The following ATP5PO variants were observed in gnomAD, a reference collection of about 807,000 sequenced individuals.
ATP5PO encodes ATP synthase peripheral stalk subunit OSCP, mitochondrial.
ATP5PO carries 14 observed loss-of-function variants against 26.2 expected under a neutral mutation model. The ratio of observed to expected loss-of-function variants is 0.53; its 90% confidence interval spans 0.35 to 0.83. The LOEUF is 0.83. ATP5PO is among the 40% of genes least tolerant of loss of function. The pLI, the probability that ATP5PO is intolerant of heterozygous loss-of-function variation, is 0.01. For synonymous variants in ATP5PO, 106 were observed against 95.1 expected (o/e 1.12, Z -0.67); for missense variants, 241 against 258.5 (o/e 0.93, Z 0.46).
At chr21:33,908,550 A>T (rs1362309107) in intron 4 of ATP5PO, among the ~76,000 whole-genome samples, 1 of 152,182 alleles carries the variant, frequency 6.6e-6, no homozygotes, top group Non-Finnish European at 1.5e-5. Context: ...TCTACAAAAA[A>T]TACAAAAAAT....
In ATP5PO at chr21:33,909,357, A is replaced by C. The variant is rs185262686; in HGVS notation, c.199-146T>G. The C allele has an allele frequency of 3.2e-3, 2,587 of 796,926 alleles. 61 individuals carry two copies. Among genetic ancestry groups the C allele is most frequent in the East Asian group, 0.031 (1,136 of 36,586 alleles). The allele number at this position is 796,926 out of a possible 1,614,324, so 49.4% of individuals were successfully genotyped here. A position where few individuals can be genotyped will look rare whatever the true frequency, so the allele number is the denominator to read the frequency against. ...GTGCAGTGGCGCAATCTTGGCTCACACAACCTCCACATCCCGGGTTCAAGC... is the reference window on the plus strand; with the variant it reads ...GTGCAGTGGCGCAATCTTGGCTCACCCAACCTCCACATCCCGGGTTCAAGC... On this transcript the variant is annotated intron_variant, in intron 3 of 6. Transcript: ENST00000290299.
Position 33,903,923 on chromosome 21 carries a change from T to C in ATP5PO, c.528+12A>G, listed in dbSNP as rs1313275025. ...ACCCGAGAAAACGTACCATAAATAA[T>C]TTAAAACCTACCTTAGCCTCCAATT... On this transcript the variant is annotated intron_variant, in intron 6 of 6. Coordinates refer to ENST00000290299, the MANE Select transcript of ATP5PO (RefSeq NM_001697.3). 2 of 1,593,174 alleles carry C rather than the reference T, an allele frequency of 1.3e-6. No individual in the cohort carries two copies. Among genetic ancestry groups the C allele is most frequent in the African/African-American group, 1.4e-5 (1 of 73,976 alleles).
Position 33,907,456 on chromosome 21 carries a change from G to A in ATP5PO, c.329-3C>T. 2 of 1,612,172 alleles carry A rather than the reference G, an allele frequency of 1.2e-6. No individual in the cohort carries two copies. The highest frequency in any genetic ancestry group is 1.7e-6 in the Non-Finnish European group (2 of 1,178,312). On this transcript the variant is annotated splice_region_variant and splice_polypyrimidine_tract_variant and intron_variant, in intron 4 of 6. Transcript: ENST00000290299. ...TCGACCATTTTCAGCAAGCAAATCT[G>A]CCAGAGTGAAGGTGTCTCAGTAACA...
chr21:33,904,591 T>C (rs1329321377), intron 5 of ATP5PO, among the ~76,000 whole-genome samples: 1 of 152,222 alleles, frequency 6.6e-6, no homozygotes, highest in Non-Finnish European at 1.5e-5. Flanking sequence ...CAGTTGGCTT[T>C]TCCTGAAGTC....
chr21:33,906,858 G>C (rs1987179881), intron 5 of ATP5PO: 1 of 438,512 alleles, frequency 2.3e-6, no homozygotes, highest in Non-Finnish European at 4.6e-6. Flanking sequence ...GGGTGTGGTG[G>C]GGGTGCACTG....
chr21:33,913,634 T>C (rs1161491886), intron 2 of ATP5PO, among the ~76,000 whole-genome samples: 3 of 152,182 alleles, frequency 2.0e-5, no homozygotes, highest in African/African-American at 4.8e-5. Context: ...GTCAACTGGA[T>C]TACTTCTGGT....
In ATP5PO at chr21:33,915,489, G is replaced by A. The variant is rs549132818; in HGVS notation, c.36+239C>T. On this transcript the variant is annotated intron_variant, in intron 1 of 6. Transcript: ENST00000290299. The stretch of plus-strand genomic sequence containing the variant: ...GCGCCCCTCAGGCTAGCAGCTTCCA[G>A]GGGCTGTGCTCGGAAGACGCCAAGG... 7.3e-5 allele frequency: 42 copies of A among 571,864 alleles called. No individual in the cohort carries two copies. In the East Asian group the frequency reaches 1.3e-3, roughly 18 times the overall value. The allele number at this position is 571,864 out of a possible 1,614,324, so 35.4% of individuals were successfully genotyped here.
At chr21:33,912,253 G>C in intron 3 of ATP5PO, 36 bp downstream of exon 3, 1 of 1,549,036 alleles carries the variant, frequency 6.5e-7, no homozygotes, top group Non-Finnish European at 8.9e-7. Flanking sequence ...TATACAAACA[G>C]GAACTTCATA....
chr21:33,906,732 A>G (rs149915936), intron 5 of ATP5PO: 1,063 of 456,276 alleles, frequency 2.3e-3, no homozygotes, highest in Non-Finnish European at 3.5e-3. Context: ...TTACACCTTT[A>G]TTCCCAGCAC....
At chr21:33,903,822 A>C in intron 6 of ATP5PO, 113 bp downstream of exon 6, 3 of 1,134,370 alleles carry the variant, frequency 2.6e-6, no homozygotes, top group Non-Finnish European at 1.2e-6. Context: ...ACAAAATTTT[A>C]ACTACAGAAA....
rs11372099 is a variant in ATP5PO at position 33,914,163 on chromosome 21, TA to T, written c.87+286del. On this transcript the variant is annotated intron_variant, in intron 2 of 6. Coordinates refer to ENST00000290299, the MANE Select transcript of ATP5PO (RefSeq NM_001697.3). ...ACTTTGTTAAACCTGTTTCTTTCAT[TA>T]AAAAAAAAAAGTAAGTAAATGCTAG... Among the ~76,000 whole-genome samples the T allele has an allele frequency of 3.6e-3, 533 of 148,566 alleles. 2 individuals are homozygous for T. The highest frequency in any genetic ancestry group is 4.9e-3 in the Non-Finnish European group (330 of 67,070).
intron 4 of ATP5PO, 124 bp downstream of exon 4, chr21:33,908,958 G>A: frequency 8.8e-7 from 1 of 1,138,914 alleles, no homozygotes; most frequent in Non-Finnish European, 1.2e-6. Flanking sequence ...GCAGGTTGCT[G>A]TGAGGCCTGA....
At chr21:33,915,619 G>T in intron 1 of ATP5PO, 109 bp downstream of exon 1, 4 of 1,469,156 alleles carry the variant, frequency 2.7e-6, no homozygotes, top group South Asian at 1.2e-5. Context: ...TAACCTTGAA[G>T]ACTGCCAGAC....
At chr21:33,904,750 C>CT (rs997311793) in intron 5 of ATP5PO, among the ~76,000 whole-genome samples, 4 of 152,028 alleles carry the variant, frequency 2.6e-5, no homozygotes, top group African/African-American at 7.2e-5. Context: ...AACCAAAGGC[C>CT]TTTTTTTTGA....
rs746470391 is a variant in ATP5PO at position 33,903,909 on chromosome 21, C to T, written c.528+26G>A. On this transcript the variant is annotated intron_variant, in intron 6 of 6. Coordinates refer to ENST00000290299, the MANE Select transcript of ATP5PO (RefSeq NM_001697.3). ...TTAAGCTTAAAATAACCCGAGAAAA[C>T]GTACCATAAATAATTTAAAACCTAC... The T allele has an allele frequency of 1.5e-5, 24 of 1,563,562 alleles. 1 individual carries two copies. The highest frequency in any genetic ancestry group is 1.8e-5 in the Admixed American group (1 of 55,144).
At chr21:33,909,001 G>A (rs1317443737) in intron 4 of ATP5PO, 81 bp downstream of exon 4, 5 of 1,423,576 alleles carry the variant, frequency 3.5e-6, no homozygotes, top group Non-Finnish European at 4.7e-6. Flanking sequence ...CCCAGGTGAT[G>A]CTGATGCCGC....
chr21:33,908,306 C>T (rs1176022177), intron 4 of ATP5PO, among the ~76,000 whole-genome samples: 1 of 151,586 alleles, frequency 6.6e-6, no homozygotes, highest in African/African-American at 2.4e-5. Context: ...AGCTTGCAAT[C>T]TGATTTTCAT....
At chr21:33,908,134 C>T (rs932569469) in intron 4 of ATP5PO, among the ~76,000 whole-genome samples, 4 of 145,616 alleles carry the variant, frequency 2.7e-5, no homozygotes, top group Non-Finnish European at 6.0e-5. Context: ...TGCCACTGCA[C>T]TCCAGCTTGG....
chr21:33,903,675 G>A (rs368702376), intron 6 of ATP5PO, 36 bp from the exon 7 acceptor site: 11 of 1,598,470 alleles, frequency 6.9e-6, no homozygotes, highest in Middle Eastern at 3.3e-4. Flanking sequence ...GTGAAAACGC[G>A]CTAATCAAAT....
Sources: allele counts gnomAD v4.1 joint callset (sites outside exome capture counted in the v4.1 genomes callset), GRCh38; gene constraint gnomAD v4.1.1; transcripts MANE v1.5; gene names NCBI Gene and HGNC (gene_info 2026-07-23, HGNC 2026-07-21).